Variants in RNF175 observed in about 807,000 individuals in gnomAD.
RNF175 encodes the protein ring finger protein 175.
In RNF175, 38 loss-of-function variants were observed where a neutral mutation model predicts 50.0. That is an observed-to-expected ratio of 0.76 (90% CI 0.59 to 1.00). RNF175 has a LOEUF of 1.00. Among genes scored for constraint, RNF175 ranks in the 50% least tolerant of loss-of-function variants. RNF175 has a pLI of 0.00. For missense variants in RNF175, 388 were observed against 409.6 expected, an observed-to-expected ratio of 0.95 and a Z score of 0.46; for synonymous variants, 155 against 146.1, an observed-to-expected ratio of 1.06 and a Z score of -0.44.
Position 153,715,618 on chromosome 4 carries a change from A to G in RNF175, c.675T>C (p.Asn225=). The change falls in exon 7 of 9, where the codon AAT becomes AAC. Residue 225 remains asparagine, a synonymous_variant. Coordinates refer to ENST00000347063, the MANE Select transcript of RNF175 (RefSeq NM_173662.4). ...TCTTCTGCCCACAGACTGCACAGATATTGTCCGATAAGCTCCTTGTAGGCA... is the reference window on the plus strand; with the variant it reads ...TCTTCTGCCCACAGACTGCACAGATGTTGTCCGATAAGCTCCTTGTAGGCA... ...SRLPTRSLSD[N]ICAVCGQKII... The G allele has an allele frequency of 2.5e-6, 4 of 1,613,938 alleles. No individual in the cohort carries two copies. The highest frequency in any genetic ancestry group is 3.4e-6 in the Non-Finnish European group (4 of 1,179,842).
intron 3 of RNF175, among the ~76,000 whole-genome samples, chr4:153,734,415 C>T (rs563794486): frequency 9.1e-4 from 138 of 152,162 alleles, no homozygotes; most frequent in South Asian, 3.1e-3. Flanking sequence ...CTTATTATTG[C>T]CTTAATTCTC....
intron 6 of RNF175, among the ~76,000 whole-genome samples, chr4:153,716,790 C>T (rs1382074967): frequency 6.6e-6 from 1 of 152,180 alleles, no homozygotes; most frequent in Admixed American, 6.5e-5. Flanking sequence ...TGAGGTAGAA[C>T]TCCTTTTTCT....
chr4:153,754,507 C>T (rs989633791), intron 1 of RNF175, among the ~76,000 whole-genome samples: 4 of 152,176 alleles, frequency 2.6e-5, no homozygotes, highest in Non-Finnish European at 4.4e-5. Flanking sequence ...GGTCAGTCCA[C>T]ATCCCTGGTT....
intron 3 of RNF175, among the ~76,000 whole-genome samples, chr4:153,743,343 C>G (rs1436747500): frequency 6.6e-6 from 1 of 152,156 alleles, no homozygotes; most frequent in East Asian, 1.9e-4. Flanking sequence ...GGCCTCTCAT[C>G]TTGAGCCACA....
At chr4:153,722,564 C>CAA (rs76700231) in intron 5 of RNF175, among the ~76,000 whole-genome samples, 24,067 of 152,014 alleles carry the variant, frequency 0.16, 2,450 homozygotes, top group East Asian at 0.31. Context: ...CTCTGCCTCC[C>CAA]AAGTAGCTGG....
At chr4:153,744,176 CT>C (rs796435198) in intron 3 of RNF175, among the ~76,000 whole-genome samples, 9 of 152,274 alleles carry the variant, frequency 5.9e-5, no homozygotes, top group African/African-American at 1.9e-4. Context: ...AATCCCAGCA[CT>C]TTGGGAGGCC....
At chr4:153,753,621 G>C (rs970117087) in intron 1 of RNF175, among the ~76,000 whole-genome samples, 2 of 150,882 alleles carry the variant, frequency 1.3e-5, no homozygotes, top group African/African-American at 2.4e-5. Flanking sequence ...GCAATGGTGC[G>C]ATCTCAGCTC....
intron 1 of RNF175, among the ~76,000 whole-genome samples, chr4:153,752,388 C>A (rs1222895132): frequency 6.6e-6 from 1 of 152,108 alleles, no homozygotes; most frequent in African/African-American, 2.4e-5. Flanking sequence ...TATTAGGGAC[C>A]CACCTGGTGG....
intron 4 of RNF175, chr4:153,727,582 T>C (rs1738772622): frequency 6.6e-6 from 1 of 152,260 alleles, no homozygotes; most frequent in Non-Finnish European, 1.5e-5. Context: ...CTTTATCTCA[T>C]TCCAGTTTTA....
At position 153,746,340 on chromosome 4, in the gene RNF175, G is replaced by A. The variant is rs566148584; in HGVS notation, c.246+2305C>T. Reference sequence around the variant, plus strand: ...CTACTTTCTGGGCATAGTGAGGTAGGGTTTGGAACCTTGAGGCCTCAGGAA... The same window carrying A: ...CTACTTTCTGGGCATAGTGAGGTAGAGTTTGGAACCTTGAGGCCTCAGGAA... On this transcript the variant is annotated intron_variant, in intron 3 of 8. Coordinates refer to ENST00000347063, the MANE Select transcript of RNF175 (RefSeq NM_173662.4). Among the ~76,000 whole-genome samples the A allele has an allele frequency of 9.2e-5, 14 of 152,358 alleles. No homozygotes were observed. The South Asian group carries it at 2.7e-3, about 29-fold the overall frequency.
At chr4:153,748,871 AC>A in intron 2 of RNF175, 85 bp from the exon 3 acceptor site, 2 of 1,276,080 alleles carry the variant, frequency 1.6e-6, no homozygotes, top group East Asian at 2.6e-5. Context: ...AAACAAAAAA[AC>A]AAAAAACAGG....
At chr4:153,719,763 G>C (rs1275869864) in intron 6 of RNF175, among the ~76,000 whole-genome samples, 2 of 152,130 alleles carry the variant, frequency 1.3e-5, no homozygotes, top group African/African-American at 4.8e-5. Flanking sequence ...ATGCACTGTT[G>C]ATTCTGAACT....
intron 5 of RNF175, 61 bp downstream of exon 5, chr4:153,723,290 A>AC: frequency 1.2e-6 from 1 of 805,622 alleles, no homozygotes; most frequent in Non-Finnish European, 2.1e-6. Context: ...AGAGAACATG[A>AC]CCAGGTGAGT....
intron 6 of RNF175, 124 bp from the exon 7 acceptor site, chr4:153,715,786 G>A (rs1177264308): frequency 1.9e-5 from 18 of 955,970 alleles, no homozygotes; most frequent in Admixed American, 1.8e-4. Flanking sequence ...CACTGCGGCC[G>A]GGCATGGTGG....
At chr4:153,741,331 C>A (rs945373233) in intron 3 of RNF175, among the ~76,000 whole-genome samples, 2 of 152,148 alleles carry the variant, frequency 1.3e-5, no homozygotes, top group Admixed American at 6.5e-5. Flanking sequence ...CTTTTCCCCT[C>A]CCCTGCTGGA....
chr4:153,722,208 G>A (rs1208178483), intron 5 of RNF175, among the ~76,000 whole-genome samples: 1 of 152,142 alleles, frequency 6.6e-6, no homozygotes, highest in Non-Finnish European at 1.5e-5. Context: ...GACACAGGCT[G>A]GTTACTCAGC....
At chr4:153,729,732 TGAATCTTCTTTCA>T in intron 3 of RNF175, 3 of 984,946 alleles carry the variant, frequency 3.0e-6, no homozygotes, top group Non-Finnish European at 3.6e-6. Context: ...AGAATTGCTC[TGAATCTTCTTTCA>T]GAGAACCCTA....
At chr4:153,717,402 A>T (rs1738000047) in intron 6 of RNF175, among the ~76,000 whole-genome samples, 1 of 152,080 alleles carries the variant, frequency 6.6e-6, no homozygotes, top group South Asian at 2.1e-4. Context: ...TTGTAGAATG[A>T]TATTAGAAAA....
chr4:153,734,662 A>G (rs1030742024), intron 3 of RNF175, among the ~76,000 whole-genome samples: 2 of 33,082 alleles, frequency 6.0e-5, no homozygotes, highest in East Asian at 1.3e-3. Context: ...TTGTTTTTTT[A>G]TTCTTTTTTT....
Sources: gnomAD v4.1 joint callset for allele counts (sites outside exome capture counted in the v4.1 genomes callset) on GRCh38, gnomAD v4.1.1 for gene constraint, MANE v1.5 for transcripts, NCBI Gene and HGNC (gene_info 2026-07-23, HGNC 2026-07-21) for gene names.